The following UHRF2 variants were observed in gnomAD, a reference collection of about 807,000 sequenced individuals.
UHRF2 encodes the protein ubiquitin like with PHD and ring finger domains 2, also known as E3 ubiquitin-protein ligase UHRF2.
In UHRF2, 23 loss-of-function variants were observed where a neutral mutation model predicts 96.8. The observed-to-expected ratio is 0.24, with a 90% CI of 0.17 to 0.34. The LOEUF is 0.34. UHRF2 is among the 10% of genes least tolerant of loss of function. The pLI is 1.00. For missense variants in UHRF2, 685 were observed against 981.5 expected (o/e 0.70, Z 4.04); for synonymous variants, 385 against 332.6 (o/e 1.16, Z -1.72).
At chr9:6,482,139 GC>G in intron 8 of UHRF2, 40 bp downstream of exon 8, 2 of 1,504,754 alleles carry the variant, frequency 1.3e-6, no homozygotes, top group Non-Finnish European at 1.8e-6. Context: ...GGGAGAATTG[GC>G]TATCAGATTA....
intron 9 of UHRF2, among the ~76,000 whole-genome samples, chr9:6,490,524 A>G (rs770309675): frequency 6.6e-6 from 1 of 152,220 alleles, no homozygotes; most frequent in Non-Finnish European, 1.5e-5. Context: ...GCTACTTGGG[A>G]GGCTGAGGCA....
In UHRF2 at chr9:6,467,595, G is replaced by GTTTTTTTTT. The variant is rs34366483; in HGVS notation, c.863+6818_863+6826dup. Among the ~76,000 whole-genome samples, 2 of 99,170 alleles carry GTTTTTTTTT rather than the reference G, an allele frequency of 2.0e-5. 1 individual carries two copies. The highest frequency in any genetic ancestry group is 8.3e-5 in the African/African-American group (2 of 24,086). The allele number at this position is 99,170 out of a possible 152,430, so 65.1% of individuals were successfully genotyped here. ...GTATTTCATAGATTCCGAGAGAATA[G>GTTTTTTTTT]TTTTTTTTTTTTTTTTTTTTTTGGT... On this transcript the variant is annotated intron_variant, in intron 4 of 15. Transcript: ENST00000276893.
intron 3 of UHRF2, among the ~76,000 whole-genome samples, chr9:6,435,384 C>T (rs1008060416): frequency 3.3e-5 from 5 of 152,192 alleles, no homozygotes; most frequent in African/African-American, 1.2e-4. Flanking sequence ...CCTCAGCCTT[C>T]CTGAGTGCTG....
chr9:6,459,608 G>T (rs1311772238), intron 3 of UHRF2, among the ~76,000 whole-genome samples: 1 of 152,180 alleles, frequency 6.6e-6, no homozygotes, highest in Non-Finnish European at 1.5e-5. Flanking sequence ...GGTGGAAGTG[G>T]CAGTGAGCTG....
chr9:6,443,475 C>T (rs1821303183), intron 3 of UHRF2, among the ~76,000 whole-genome samples: 1 of 152,182 alleles, frequency 6.6e-6, no homozygotes, highest in Admixed American at 6.5e-5. Context: ...ACCATACTAC[C>T]TCTCATTTTA....
At chr9:6,453,741 A>G (rs1242260364) in intron 3 of UHRF2, among the ~76,000 whole-genome samples, 1 of 152,112 alleles carries the variant, frequency 6.6e-6, no homozygotes, top group Non-Finnish European at 1.5e-5. Context: ...CGTCTCTACT[A>G]AAAATACAAA....
intron 2 of UHRF2, among the ~76,000 whole-genome samples, chr9:6,430,230 GA>G (rs1820492302): frequency 6.6e-6 from 1 of 152,110 alleles, no homozygotes; most frequent in Admixed American, 6.5e-5. Context: ...GGCTGGTCTT[GA>G]ACTCCTGACC....
At chr9:6,465,547 T>G (rs1415750611) in intron 4 of UHRF2, among the ~76,000 whole-genome samples, 1 of 152,210 alleles carries the variant, frequency 6.6e-6, no homozygotes, top group East Asian at 1.9e-4. Context: ...ATTTATCTAT[T>G]GCATCTAAAT....
intron 9 of UHRF2, among the ~76,000 whole-genome samples, chr9:6,488,541 T>A (rs1824453963): frequency 1.7e-5 from 1 of 59,496 alleles, no homozygotes; most frequent in South Asian, 5.2e-4. Context: ...TTTTCTTTTC[T>A]TTTTTTTTTT....
At chr9:6,427,608 C>A (rs1056659996) in intron 2 of UHRF2, among the ~76,000 whole-genome samples, 1 of 152,064 alleles carries the variant, frequency 6.6e-6, no homozygotes, top group East Asian at 1.9e-4. Flanking sequence ...TCACTTGAAC[C>A]CAGGAGGTGG....
intron 2 of UHRF2, among the ~76,000 whole-genome samples, chr9:6,424,387 AATT>A (rs1820118383): frequency 3.4e-5 from 5 of 147,082 alleles, no homozygotes; most frequent in African/African-American, 9.8e-5. Context: ...ATTAAGAGAG[AATT>A]TTTAGCACTG....
At chr9:6,431,572 G>T (rs2130760707) in intron 2 of UHRF2, among the ~76,000 whole-genome samples, 1 of 152,032 alleles carries the variant, frequency 6.6e-6, no homozygotes, top group South Asian at 2.1e-4. Context: ...GCAGCAGATA[G>T]CCTGTCTTAA....
At chr9:6,491,493 A>G (rs936257521) in intron 9 of UHRF2, among the ~76,000 whole-genome samples, 2 of 152,216 alleles carry the variant, frequency 1.3e-5, no homozygotes, top group African/African-American at 4.8e-5. Flanking sequence ...ATTTGAGGCT[A>G]TGGTCTAGAC....
At chr9:6,503,151 C>T (rs1337443492) in intron 14 of UHRF2, among the ~76,000 whole-genome samples, 4 of 152,182 alleles carry the variant, frequency 2.6e-5, no homozygotes, top group East Asian at 3.9e-4. Context: ...CCCGCCACCA[C>T]GCCCGGCTAA....
chr9:6,498,634 C>T (rs954640935), intron 12 of UHRF2: 23 of 154,206 alleles, frequency 1.5e-4, no homozygotes, highest in Non-Finnish European at 1.4e-5. Flanking sequence ...CTGCCACCAC[C>T]TTTAGTGCTT....
chr9:6,464,719 A>AT (rs1490172229), intron 4 of UHRF2, among the ~76,000 whole-genome samples: 1 of 152,138 alleles, frequency 6.6e-6, no homozygotes, highest in African/African-American at 2.4e-5. Context: ...AGAATCTTAT[A>AT]TTTGGTGAAT....
intron 6 of UHRF2, among the ~76,000 whole-genome samples, chr9:6,478,841 T>C (rs1486740263): frequency 6.6e-6 from 1 of 152,198 alleles, no homozygotes; most frequent in Non-Finnish European, 1.5e-5. Context: ...ATCTTCTTCC[T>C]TTTACCTCCT....
intron 8 of UHRF2, among the ~76,000 whole-genome samples, chr9:6,482,884 C>T (rs1420927910): frequency 6.6e-6 from 1 of 152,188 alleles, no homozygotes. Context: ...TGCGCCCGGC[C>T]TGGCTTTAAT....
chr9:6,483,324 CAAAAAAAAAAAAA>C (rs34497002), intron 8 of UHRF2, among the ~76,000 whole-genome samples: 1 of 59,536 alleles, frequency 1.7e-5, no homozygotes, highest in African/African-American at 6.1e-5. Flanking sequence ...GACTCTGTCT[CAAAAAAAAAAAAA>C]AAAAAAAAAA....
Sources: gnomAD v4.1 joint callset for allele counts (sites outside exome capture counted in the v4.1 genomes callset) on GRCh38, gnomAD v4.1.1 for gene constraint, MANE v1.5 for transcripts, NCBI Gene and HGNC (gene_info 2026-07-23, HGNC 2026-07-21) for gene names.